The following KIF17 variants were observed in gnomAD, a reference collection of about 807,000 sequenced individuals.
KIF17 encodes kinesin-like protein KIF17.
A neutral mutation model predicts 96.8 loss-of-function variants in KIF17; 80 were observed. That is an observed-to-expected ratio of 0.83 (90% CI 0.69 to 1.00). The LOEUF (loss-of-function observed/expected upper bound fraction) is 1.00. Ranked by LOEUF, KIF17 falls within the 50% of genes least tolerant of loss-of-function variation. The pLI is 0.00. For synonymous variants in KIF17, 567 were observed against 587.5 expected, an observed-to-expected ratio of 0.97 and a Z score of 0.51; for missense variants, 1,280 against 1,372.9, an observed-to-expected ratio of 0.93 and a Z score of 1.07.
In KIF17 at chr1:20,704,636, G is replaced by A. The variant is rs1019450527; in HGVS notation, c.934C>T (p.Leu312=). The change falls in exon 5 of 15, where the codon CTG becomes TTG. Residue 312 remains leucine, a synonymous_variant. Transcript: ENST00000400463. This position sits in a 1 kb window ranked among gnomAD's most constrained non-coding sequence, Gnocchi z 6.8. ...GNTKTLMVAC[L]SPADNNYDET... ...TCGTAGTTGTTGTCCGCAGGCGACA[G>A]GCAGGCCACCATGAGCGTCTTGGTG... 4 of 1,614,086 alleles carry A rather than the reference G, an allele frequency of 2.5e-6. No individual in the cohort carries two copies. Among genetic ancestry groups the A allele is most frequent in the Admixed American group, 3.3e-5 (2 of 60,008 alleles).
chr1:20,665,858 A>G lies in KIF17; in HGVS notation c.2908+356T>C, dbSNP rs188651584. ...CAATCTGCATTTGGAGGAAGTCACA[A>G]TGCTGGCGTGTGACTCGCCAGGAAG... is the stretch of plus-strand genomic sequence containing the variant. On this transcript the variant is annotated intron_variant, in intron 14 of 14. Transcript: ENST00000400463. Among the ~76,000 whole-genome samples the G allele has an allele frequency of 3.3e-5, 5 of 152,328 alleles. No homozygotes were observed. In the East Asian group the frequency reaches 5.8e-4, roughly 18 times the overall value.
At chr1:20,701,036 A>G (rs1347486473) in intron 5 of KIF17, among the ~76,000 whole-genome samples, 3 of 151,988 alleles carry the variant, frequency 2.0e-5, no homozygotes, top group African/African-American at 2.4e-5. Context: ...GTGCTTCCCC[A>G]TGTGTGTGTG....
At chr1:20,692,724 C>T (rs999987177) in intron 6 of KIF17, 1 of 151,354 alleles carries the variant, frequency 6.6e-6, no homozygotes, top group African/African-American at 2.4e-5. Flanking sequence ...GCATGCTTCT[C>T]CCCCAGGAAA....
At position 20,699,684 on chromosome 1, in the gene KIF17, G is replaced by C. The variant is rs1426345550; in HGVS notation, c.1124-1196C>G. Among the ~76,000 whole-genome samples the C allele has an allele frequency of 1.3e-5, 2 of 152,152 alleles. No individual in the cohort carries two copies. The highest frequency in any genetic ancestry group is 2.1e-4 in the South Asian group (1 of 4,826). ...CTAGACAGGAGGCGCTTGCTAGACA[G>C]GGGGAGCTTGCTAGACAGGGGGAGC... On this transcript the variant is annotated intron_variant, in intron 5 of 14. Coordinates refer to ENST00000400463, the MANE Select transcript of KIF17 (RefSeq NM_001122819.3). The surrounding 1 kb of genome is among the most constrained non-coding windows in gnomAD (Gnocchi z 4.3).
chr1:20,697,149 C>T (rs989174898), intron 6 of KIF17, among the ~76,000 whole-genome samples: 6 of 152,218 alleles, frequency 3.9e-5, no homozygotes, highest in African/African-American at 1.4e-4. Context: ...GGCTGGGCCC[C>T]AGGTACCCAC....
rs1484330594 is a variant in KIF17 at position 20,709,658 on chromosome 1, G to A, written c.651C>T (p.Ser217=). ...SSRSHSIFTI[S]IEMSAVDERG... ...GCATACCCACGGCAGACATCTCGATGCTGATGGTGAAGATGGAGTGCGAGC... is the reference window on the plus strand; with the variant it reads ...GCATACCCACGGCAGACATCTCGATACTGATGGTGAAGATGGAGTGCGAGC... The change falls in exon 4 of 15, where the codon AGC becomes AGT. Residue 217 remains serine (S), a synonymous_variant. Coordinates refer to ENST00000400463, the MANE Select transcript of KIF17 (RefSeq NM_001122819.3). The surrounding 1 kb of genome is among the most constrained non-coding windows in gnomAD (Gnocchi z 4.7). 7 of 1,614,086 alleles carry A rather than the reference G, an allele frequency of 4.3e-6. No individual in the cohort carries two copies. The South Asian group carries it at 7.7e-5, about 18-fold the overall frequency.
Position 20,694,666 on chromosome 1 carries a change from AG to A in KIF17, c.1233+3712del, listed in dbSNP as rs2054101812. On this transcript the variant is annotated intron_variant, in intron 6 of 14. Transcript: ENST00000400463. ...ACAGCACTGATTTAGGCTCCTAGGG[AG>A]GGAGAGAAGGGGACGGAGAATAATT... Among the ~76,000 whole-genome samples, 4 of 152,316 alleles carry A rather than the reference AG, an allele frequency of 2.6e-5. No homozygotes were observed. In the South Asian group the frequency reaches 8.3e-4, roughly 32 times the overall value.
Position 20,682,784 on chromosome 1 carries a change from T to C in KIF17, c.2332A>G (p.Arg778Gly), listed in dbSNP as rs766080010. 1.2e-6 allele frequency: 2 copies of C among 1,612,902 alleles called. No individual in the cohort carries two copies. The highest frequency in any genetic ancestry group is 1.7e-6 in the Non-Finnish European group (2 of 1,180,032). Residue 778 changes from arginine (R) to glycine (G), a missense_variant, in exon 11 of 15, where the codon AGG (arginine) becomes GGG (glycine). Physicochemically the swap from Arg to Gly is moderately radical, Grantham distance 125. Coordinates refer to ENST00000400463, the MANE Select transcript of KIF17 (RefSeq NM_001122819.3). ...TGCAGGGCAGCCACCAGCTGCTTCC[T>C]GCGCTCGTCTGCGTAGCGCTTGCGC... Reference protein sequence around the residue: ...KRRKRYADERRKQLVAALQNS... With the variant: ...KRRKRYADERGKQLVAALQNS...
intron 12 of KIF17, among the ~76,000 whole-genome samples, chr1:20,671,505 A>AT (rs759071973): frequency 0.055 from 7,712 of 141,058 alleles, 190 homozygotes; most frequent in Middle Eastern, 0.066. Context: ...TAATTTTTCT[A>AT]TTTTTTTTTT....
chr1:20,712,254 C>A (rs374511630), intron 3 of KIF17, among the ~76,000 whole-genome samples: 1 of 151,988 alleles, frequency 6.6e-6, no homozygotes, highest in African/African-American at 2.4e-5. Context: ...CACAGGCTGG[C>A]CTTCTGGGGC....
At chr1:20,707,787 ATGTGTGTGTGTGTGTGTGTGTGTGTG>A (rs3077930) in intron 4 of KIF17, among the ~76,000 whole-genome samples, 39 of 124,560 alleles carry the variant, frequency 3.1e-4, no homozygotes, top group African/African-American at 1.1e-3. Context: ...ACCAATGTGT[ATGTGTGTGTGTGTGTGTGTGTGTGTG>A]TGTGTGTGTG....
chr1:20,675,137 C>G (rs1264919598), intron 11 of KIF17, among the ~76,000 whole-genome samples: 1 of 136,120 alleles, frequency 7.3e-6, no homozygotes, highest in Admixed American at 7.6e-5. Context: ...GGTGACAGAG[C>G]AAGACTCCAT....
In KIF17 at chr1:20,700,177, TCTC is replaced by T. The variant is rs1390723635; in HGVS notation, c.1124-1692_1124-1690del. On this transcript the variant is annotated intron_variant, in intron 5 of 14. Transcript: ENST00000400463. The surrounding 1 kb of genome is among the most constrained non-coding windows in gnomAD (Gnocchi z 4.6). ...CCTCCCTCTCCCAGGTTCAAGTGAT[TCTC>T]CTGCCTCAGCCTCCCGAGTAGCTGC... 6.6e-6 allele frequency among the ~76,000 whole-genome samples: 1 copy of T among 152,108 alleles called. No individual in the cohort carries two copies. The highest frequency in any genetic ancestry group is 1.9e-4 in the East Asian group (1 of 5,186).
intron 14 of KIF17, among the ~76,000 whole-genome samples, chr1:20,665,995 C>T (rs1014389413): frequency 6.6e-6 from 1 of 152,212 alleles, no homozygotes; most frequent in Admixed American, 6.5e-5. Context: ...AAAGAGGAGA[C>T]TCTGTACTGA....
Position 20,704,625 on chromosome 1 carries a change from C to T in KIF17, c.945G>A (p.Ala315=), listed in dbSNP as rs373442401. ...KTLMVACLSP[A]DNNYDETLST... ...TGAGTGTCTCATCGTAGTTGTTGTC[C>T]GCAGGCGACAGGCAGGCCACCATGA... The change falls in exon 5 of 15, where the codon GCG becomes GCA. Residue 315 remains alanine (A), a synonymous_variant. Transcript: ENST00000400463. This position sits in a 1 kb window ranked among gnomAD's most constrained non-coding sequence, Gnocchi z 6.8. 6.1e-5 allele frequency: 98 copies of T among 1,614,016 alleles called. No individual in the cohort carries two copies. Among genetic ancestry groups the T allele is most frequent in the Non-Finnish European group, 7.5e-5 (88 of 1,180,022 alleles).
In KIF17 at chr1:20,717,802, C is replaced by CG; in HGVS notation, c.-97dup. ...CAAGGGGCGGGGCCAGCGCCGGCCA[C>CG]GGGGGGCGGGGCCTTGAGGCAGGGG... On this transcript the variant is annotated 5_prime_UTR_variant, in exon 1 of 15. Transcript: ENST00000400463. 17 of 1,312,086 alleles carry CG rather than the reference C, an allele frequency of 1.3e-5. No individual in the cohort carries two copies. Among genetic ancestry groups the CG allele is most frequent in the Non-Finnish European group, 1.5e-5 (15 of 1,028,624 alleles). 81.3% of individuals were successfully genotyped at this position (1,312,086 alleles called of 1,614,324 possible). A position where few individuals can be genotyped will look rare whatever the true frequency, so the allele number is the denominator to read the frequency against.
intron 5 of KIF17, among the ~76,000 whole-genome samples, chr1:20,703,026 A>G (rs2054264904): frequency 6.6e-6 from 1 of 152,148 alleles, no homozygotes; most frequent in South Asian, 2.1e-4. Flanking sequence ...AGATAAAAGA[A>G]TGGATGATAG....
At position 20,712,603 on chromosome 1, in the gene KIF17, T is replaced by TA. The variant is rs1406104339; in HGVS notation, c.480+850_480+851insT. 8.1e-3 allele frequency among the ~76,000 whole-genome samples: 167 copies of TA among 20,706 alleles called. 38 individuals carry two copies. The highest frequency in any genetic ancestry group is 0.017 in the African/African-American group (150 of 8,796). The allele number at this position is 20,706 out of a possible 152,430, so 13.6% of individuals were successfully genotyped here. On this transcript the variant is annotated intron_variant, in intron 3 of 14. Coordinates refer to ENST00000400463, the MANE Select transcript of KIF17 (RefSeq NM_001122819.3). Reference sequence around the variant, plus strand: ...TTATCTATATATATATCTATATATATCTATATATATATAATATAGATAATA... The same window carrying TA: ...TTATCTATATATATATCTATATATATACTATATATATATAATATAGATAATA...
chr1:20,684,199 C>A lies in KIF17; in HGVS notation c.2231+610G>T, dbSNP rs549341405. Among the ~76,000 whole-genome samples, 3 of 152,344 alleles carry A rather than the reference C, an allele frequency of 2.0e-5. No homozygotes were observed. The East Asian group carries it at 5.8e-4, about 29-fold the overall frequency. ...TGGCCCTGCCTGTCCTCCGCCCTGG[C>A]CTGTGGGCCCTTGGGGCTGAGGCAG... On this transcript the variant is annotated intron_variant, in intron 10 of 14. Transcript: ENST00000400463.
Sources: gnomAD v4.1 joint callset for allele counts (sites outside exome capture counted in the v4.1 genomes callset) on GRCh38, gnomAD v4.1.1 for gene constraint, Gnocchi (gnomAD v3.1) non-coding constraint, MANE v1.5 for transcripts, NCBI Gene and HGNC (gene_info 2026-07-23, HGNC 2026-07-21) for gene names.